TAX1BP1: variants seen among roughly 807,000 people sequenced by gnomAD.
TAX1BP1 encodes the protein Tax1 binding protein 1, also known as tax1-binding protein 1.
In TAX1BP1, 62 loss-of-function variants were observed where a neutral mutation model predicts 97.7. That is an observed-to-expected ratio of 0.63 (90% CI 0.52 to 0.78). The LOEUF is 0.78. TAX1BP1 is among the 30% of genes least tolerant of loss of function. TAX1BP1 has a pLI of 0.00. For synonymous variants in TAX1BP1, 340 were observed against 304.2 expected, an observed-to-expected ratio of 1.12 and a Z score of -1.23; for missense variants, 867 against 916.1, an observed-to-expected ratio of 0.95 and a Z score of 0.69.
intron 15 of TAX1BP1, among the ~76,000 whole-genome samples, chr7:27,821,093 T>G (rs1790953921): frequency 6.6e-6 from 1 of 152,200 alleles, no homozygotes; most frequent in African/African-American, 2.4e-5. Context: ...TAATTGAATA[T>G]GTCATCAAAA....
At chr7:27,828,537 C>A in intron 16 of TAX1BP1, 91 bp from the exon 17 acceptor site, 1 of 1,219,686 alleles carries the variant, frequency 8.2e-7, no homozygotes, top group Non-Finnish European at 1.2e-6. Context: ...TGAATATCAG[C>A]TAACTAGATA....
Position 27,765,981 on chromosome 7 carries a change from C to T in TAX1BP1, c.413C>T (p.Ser138Phe), listed in dbSNP as rs952678430. ...ELLTMEDEGN[S>F]DMLVVTTKAG... is the part of the protein sequence containing the mutation. ...CTTACTATGGAAGATGAAGGAAATT[C>T]TGACATGTTAGTGGTGACCACAAAA... The change falls in exon 4 of 17, where the codon TCT becomes TTT. Residue 138 changes from serine (S) to phenylalanine (F), a missense_variant. Physicochemically the swap from Ser to Phe is radical, Grantham distance 155. Transcript: ENST00000396319. 6.2e-7 allele frequency: 1 copy of T among 1,614,014 alleles called. No individual in the cohort carries two copies. The highest frequency in any genetic ancestry group is 1.1e-5 in the South Asian group (1 of 91,080).
chr7:27,743,588 T>A (rs979348184), intron 1 of TAX1BP1, among the ~76,000 whole-genome samples: 9 of 152,330 alleles, frequency 5.9e-5, no homozygotes, highest in African/African-American at 2.2e-4. Flanking sequence ...CTTTATTTGC[T>A]TTGGTTTTAC....
At chr7:27,739,943 C>T (rs1315287367), upstream of TAX1BP1, 1 of 152,242 alleles carries the variant, frequency 6.6e-6, no homozygotes, top group Non-Finnish European at 1.5e-5. Flanking sequence ...GAATGTAAAT[C>T]CAGACGCATT....
chr7:27,818,168 A>T (rs974007549), intron 15 of TAX1BP1, among the ~76,000 whole-genome samples: 3 of 152,152 alleles, frequency 2.0e-5, no homozygotes, highest in African/African-American at 7.2e-5. Context: ...CATCTGCTTC[A>T]GTTTAATTAG....
intron 2 of TAX1BP1, among the ~76,000 whole-genome samples, 190 bp from the exon 3 acceptor site, chr7:27,757,841 T>C (rs995459071): frequency 2.6e-5 from 4 of 152,160 alleles, no homozygotes; most frequent in African/African-American, 9.7e-5. Context: ...TCAATTTATG[T>C]AGATTTTTAT....
At chr7:27,757,063 C>G (rs1788247277) in intron 2 of TAX1BP1, among the ~76,000 whole-genome samples, 1 of 152,070 alleles carries the variant, frequency 6.6e-6, no homozygotes, top group African/African-American at 2.4e-5. Context: ...TCAACCATTC[C>G]TTTGGAGGCT....
At chr7:27,805,335 T>C (rs182214383) in intron 13 of TAX1BP1, among the ~76,000 whole-genome samples, 3 of 152,216 alleles carry the variant, frequency 2.0e-5, no homozygotes, top group Non-Finnish European at 4.4e-5. Flanking sequence ...TTTACTTATC[T>C]TGTTATATAT....
intron 3 of TAX1BP1, among the ~76,000 whole-genome samples, chr7:27,765,009 GTTTTTTTTTTTTT>G (rs1179797055): frequency 3.7e-5 from 3 of 81,088 alleles, no homozygotes; most frequent in African/African-American, 1.7e-4. Context: ...TCTCCTCTCT[GTTTTTTTTTTTTT>G]TTTTTTTTTT....
Position 27,816,936 on chromosome 7 carries a change from TG to T in TAX1BP1, c.1984del (p.Val662SerfsTer27), listed in dbSNP as rs1276562782. 6.2e-7 allele frequency: 1 copy of T among 1,614,030 alleles called. No homozygotes were observed. The highest frequency in any genetic ancestry group is 1.7e-5 in the Admixed American group (1 of 59,952). On this transcript the variant is annotated frameshift_variant, in exon 15 of 17. Transcript: ENST00000396319. LOFTEE classifies it high-confidence loss of function. ...FYPDEIQRPP[V>X]RVPSWGLEDN... is the part of the protein sequence containing the mutation. ...ACCCAGATGAAATACAAAGGCCACC[TG>T]TCAGAGTCCCCTCTTGGGGACTGGA...
At chr7:27,811,366 A>G (rs1790553224) in intron 13 of TAX1BP1, among the ~76,000 whole-genome samples, 1 of 152,102 alleles carries the variant, frequency 6.6e-6, no homozygotes, top group African/African-American at 2.4e-5. Context: ...ACCTAAGTTG[A>G]CTTGCATTTT....
intron 10 of TAX1BP1, 48 bp from the exon 11 acceptor site, chr7:27,794,275 A>G (rs1789833358): frequency 6.7e-7 from 1 of 1,491,928 alleles, no homozygotes; most frequent in Non-Finnish European, 9.2e-7. Flanking sequence ...AGGAGGAAAT[A>G]TAACTAATTC....
At chr7:27,757,692 A>G (rs1562701791) in intron 2 of TAX1BP1, among the ~76,000 whole-genome samples, 1 of 152,102 alleles carries the variant, frequency 6.6e-6, no homozygotes, top group Non-Finnish European at 1.5e-5. Flanking sequence ...ATAAATAACA[A>G]GTATTTAAAA....
chr7:27,765,838 T>A lies in TAX1BP1; in HGVS notation c.270T>A (p.Tyr90Ter). 6.2e-7 allele frequency: 1 copy of A among 1,613,008 alleles called. No homozygotes were observed. Among genetic ancestry groups the A allele is most frequent in the Non-Finnish European group, 8.5e-7 (1 of 1,179,168 alleles). ...TGTTTGTTAACTTCCTCTTAGGATA[T>A]TACCTTCCAAATGATGATGGAGAAT... is the stretch of plus-strand genomic sequence containing the variant. ...TVNCVLAFQG[Y>*]YLPNDDGEFY... The change falls in exon 4 of 17, where the codon TAT becomes TAA. Residue 90 changes from tyrosine to a stop codon, truncating the protein, a stop_gained. Coordinates refer to ENST00000396319, the MANE Select transcript of TAX1BP1 (RefSeq NM_006024.7). LOFTEE classifies it high-confidence loss of function.
At chr7:27,740,688 C>T (rs566677363) in intron 1 of TAX1BP1, among the ~76,000 whole-genome samples, 27 of 152,144 alleles carry the variant, frequency 1.8e-4, no homozygotes, top group African/African-American at 4.8e-4. Flanking sequence ...GTTTTACCGG[C>T]GCAGTAAGCT....
chr7:27,757,128 A>C (rs1024118910), intron 2 of TAX1BP1, among the ~76,000 whole-genome samples: 2 of 152,142 alleles, frequency 1.3e-5, no homozygotes, highest in Non-Finnish European at 2.9e-5. Flanking sequence ...AATCAGGCCA[A>C]TCAGAATCAT....
intron 1 of TAX1BP1, among the ~76,000 whole-genome samples, chr7:27,743,060 G>A (rs1787680768): frequency 6.6e-6 from 1 of 152,140 alleles, no homozygotes. Context: ...AGATAAAAAT[G>A]TCCTCTACCC....
chr7:27,792,168 G>T lies in TAX1BP1; in HGVS notation c.1201G>T (p.Val401Leu), dbSNP rs768281146. Reference sequence around the variant, plus strand: ...TACTGCACGCTTGGAAAACGAGAAAGTGAAAAAGCAGTTAGCTGATGCAGT... The same window carrying T: ...TACTGCACGCTTGGAAAACGAGAAATTGAAAAAGCAGTTAGCTGATGCAGT... ...LHTARLENEK[V>L]KKQLADAVAE... The change falls in exon 9 of 17, where the codon GTG becomes TTG. Residue 401 changes from valine (V) to leucine (L), a missense_variant. Coordinates refer to ENST00000396319, the MANE Select transcript of TAX1BP1 (RefSeq NM_006024.7). 3.7e-6 allele frequency: 6 copies of T among 1,613,848 alleles called. No individual in the cohort carries two copies. Among genetic ancestry groups the T allele is most frequent in the Non-Finnish European group, 5.1e-6 (6 of 1,179,980 alleles).
At chr7:27,754,912 T>A (rs1385648043) in intron 2 of TAX1BP1, among the ~76,000 whole-genome samples, 4 of 152,292 alleles carry the variant, frequency 2.6e-5, no homozygotes, top group African/African-American at 9.6e-5. Flanking sequence ...ATATTTTGAA[T>A]GTTGCTGGCA....
Sources: gnomAD v4.1 joint callset for allele counts (sites outside exome capture counted in the v4.1 genomes callset) on GRCh38, gnomAD v4.1.1 for gene constraint, MANE v1.5 for transcripts, NCBI Gene and HGNC (gene_info 2026-07-23, HGNC 2026-07-21) for gene names.